Variants in MAP3K10 observed in about 807,000 individuals in gnomAD.
MAP3K10 encodes MKN28 derived nonreceptor_type serine/threonine kinase.
MAP3K10 carries 22 observed loss-of-function variants against 75.0 expected under a neutral mutation model. The observed-to-expected ratio is 0.29, with a 90% CI of 0.21 to 0.42. The LOEUF is 0.42. MAP3K10 is among the 10% of genes least tolerant of loss of function. The probability of loss-of-function intolerance (pLI) is 1.00; values close to 1 mark genes in which losing one functional copy is unlikely to be tolerated. For missense variants in MAP3K10, 1,165 were observed against 1,379.8 expected, an observed-to-expected ratio of 0.84 and a Z score of 2.47; for synonymous variants, 599 against 612.9, an observed-to-expected ratio of 0.98 and a Z score of 0.34.
In MAP3K10 at chr19:40,215,526, A is replaced by C; in HGVS notation, c.*234A>C. 2.0e-6 allele frequency: 1 copy of C among 495,444 alleles called. No homozygotes were observed. The highest frequency in any genetic ancestry group is 3.6e-6 in the Non-Finnish European group (1 of 275,916). 30.7% of individuals were successfully genotyped at this position (495,444 alleles called of 1,614,324 possible). On this transcript the variant is annotated 3_prime_UTR_variant, in exon 10 of 10. Transcript: ENST00000253055. ...CAGGGATACTCAGGGACAGGGCATC[A>C]TGGGGGATTTGGCACAAAATGGAGC...
rs939621483 is a variant in MAP3K10, at chr19:40,200,020, C to T, written c.863+1465C>T. ...CTAAAAATACAAAAATTCGGCCAGGCGCGGTGGCTCACGCCTGTAATCCTG... is the reference window on the plus strand; with the variant it reads ...CTAAAAATACAAAAATTCGGCCAGGTGCGGTGGCTCACGCCTGTAATCCTG... On this transcript the variant is annotated intron_variant, in intron 2 of 9. Coordinates refer to ENST00000253055, the MANE Select transcript of MAP3K10 (RefSeq NM_002446.4). Among the ~76,000 whole-genome samples the T allele has an allele frequency of 3.7e-4, 54 of 147,140 alleles. 2 individuals carry two copies. The highest frequency in any genetic ancestry group is 2.0e-4 in the African/African-American group (8 of 39,600).
chr19:40,214,041 T>A lies in MAP3K10; in HGVS notation c.2362T>A (p.Ser788Thr), dbSNP rs760819313. ...CCCGCCCGCGCCCACACCCACGCCC[T>A]CGCCCAGCACCAACCCCCTGGTGGA... ...PSPPAPTPTP[S>T]PSTNPLVDLE... Residue 788 changes from serine to threonine, a missense_variant, in exon 9 of 10, where the codon TCG (serine) becomes ACG (threonine). Around this residue, in one of 2 missense-constraint regions of MAP3K10, gnomAD observed 590 missense variants for 586.6 expected, o/e 1.01. Coordinates refer to ENST00000253055, the MANE Select transcript of MAP3K10 (RefSeq NM_002446.4). 9.7e-6 allele frequency: 10 copies of A among 1,031,124 alleles called. No homozygotes were observed. In the Admixed American group the frequency reaches 3.4e-4, roughly 35 times the overall value. The allele number at this position is 1,031,124 out of a possible 1,614,324, so 63.9% of individuals were successfully genotyped here.
intron 1 of MAP3K10, among the ~76,000 whole-genome samples, chr19:40,197,622 G>A (rs1287901363): frequency 3.9e-5 from 6 of 152,080 alleles, no homozygotes; most frequent in Non-Finnish European, 7.4e-5. Flanking sequence ...CACCGTGCCT[G>A]GCCATACTCT....
In MAP3K10 at chr19:40,215,091, G is replaced by A. The variant is rs1385384011; in HGVS notation, c.2664G>A (p.Arg888=). ...CCCTGACCTTTGCCCCGAGACCTCG[G>A]CCGGCTGCCAGTCGCCCCCGCTTGG... ...PTTLTFAPRP[R]PAASRPRLDP... The change falls in exon 10 of 10, where the codon CGG becomes CGA. Residue 888 remains arginine, a synonymous_variant. Coordinates refer to ENST00000253055, the MANE Select transcript of MAP3K10 (RefSeq NM_002446.4). The A allele has an allele frequency of 1.1e-5, 18 of 1,610,514 alleles. No individual in the cohort carries two copies. Among genetic ancestry groups the A allele is most frequent in the Non-Finnish European group, 1.4e-5 (17 of 1,178,884 alleles).
Position 40,212,926 on chromosome 19 carries a change from G to A in MAP3K10, c.1674G>A (p.Thr558=), listed in dbSNP as rs375485459. 1.4e-5 allele frequency: 22 copies of A among 1,612,732 alleles called. No individual in the cohort carries two copies. Among genetic ancestry groups the A allele is most frequent in the African/African-American group, 1.2e-4 (9 of 75,042 alleles). The stretch of plus-strand genomic sequence containing the variant: ...TCGGGGGCAAGAAGAAGGGACGAAC[G>A]TGGGGGCCCAGCTCCACCCTGCAGA... ...ELVGGKKKGR[T]WGPSSTLQKE... Residue 558 remains threonine, a synonymous_variant, in exon 7 of 10, where the codon ACG becomes ACA. Coordinates refer to ENST00000253055, the MANE Select transcript of MAP3K10 (RefSeq NM_002446.4). The surrounding 1 kb of genome is among the most constrained non-coding windows in gnomAD (Gnocchi z 4.2).
In MAP3K10 at chr19:40,213,786, C is replaced by T; in HGVS notation, c.2107C>T (p.Arg703Trp). 3.3e-6 allele frequency: 4 copies of T among 1,228,662 alleles called. No homozygotes were observed. The highest frequency in any genetic ancestry group is 4.5e-5 in the Admixed American group (1 of 22,362). 76.1% of individuals were successfully genotyped at this position (1,228,662 alleles called of 1,614,324 possible). ...GCGCGCGGCCGACGGTGAGGAGCAGCGGCGCTGGCTCGACGGCCTCTTCTT... is the reference window on the plus strand; with the variant it reads ...GCGCGCGGCCGACGGTGAGGAGCAGTGGCGCTGGCTCGACGGCCTCTTCTT... The part of the protein sequence containing the change: ...EARAADGEEQ[R>W]RWLDGLFFPR... The change falls in exon 9 of 10, where the codon CGG (arginine) becomes TGG (tryptophan). Residue 703 changes from arginine (R) to tryptophan (W), a missense_variant. By Grantham distance (101) the Arg-to-Trp change is moderately radical. Coordinates refer to ENST00000253055, the MANE Select transcript of MAP3K10 (RefSeq NM_002446.4). This position sits in a 1 kb window ranked among gnomAD's most constrained non-coding sequence, Gnocchi z 5.7.
chr19:40,195,226 T>C (rs1972883000), intron 1 of MAP3K10, among the ~76,000 whole-genome samples: 1 of 151,992 alleles, frequency 6.6e-6, no homozygotes, highest in South Asian at 2.1e-4. Context: ...TGGAAGCCAT[T>C]AGAGGATTTG....
chr19:40,197,364 C>CA, intron 1 of MAP3K10, among the ~76,000 whole-genome samples: 1 of 152,282 alleles, frequency 6.6e-6, no homozygotes, highest in South Asian at 2.1e-4. Flanking sequence ...CTCGCTCTGT[C>CA]ACCCAGGCTG....
In MAP3K10 at chr19:40,212,921, C is replaced by T. The variant is rs1026126084; in HGVS notation, c.1669C>T (p.Arg557Ter). The change falls in exon 7 of 10, where the codon CGA becomes TGA. Residue 557 changes from arginine (R) to a stop codon, truncating the protein, a stop_gained. Transcript: ENST00000253055. LOFTEE classifies it high-confidence loss of function. This position sits in a 1 kb window ranked among gnomAD's most constrained non-coding sequence, Gnocchi z 4.2. ...EELVGGKKKG[R>*]TWGPSSTLQK... is the part of the protein sequence containing the mutation. ...ACTGGTCGGGGGCAAGAAGAAGGGA[C>T]GAACGTGGGGGCCCAGCTCCACCCT... 2 of 1,612,766 alleles carry T rather than the reference C, an allele frequency of 1.2e-6. No homozygotes were observed. The highest frequency in any genetic ancestry group is 1.7e-6 in the Non-Finnish European group (2 of 1,179,524).
chr19:40,207,898 AT>A (rs71171549), intron 5 of MAP3K10, among the ~76,000 whole-genome samples: 45 of 149,642 alleles, frequency 3.0e-4, no homozygotes, highest in South Asian at 8.5e-4. Context: ...TTCATTAAAA[AT>A]TTTTTTTTTT....
chr19:40,201,211 C>T (rs1163996260), intron 2 of MAP3K10, among the ~76,000 whole-genome samples: 4 of 144,452 alleles, frequency 2.8e-5, no homozygotes, highest in South Asian at 4.4e-4. Context: ...CTTGCTCTGT[C>T]GCCCAGGCCG....
In MAP3K10 at chr19:40,198,433, G is replaced by A. The variant is rs765454304; in HGVS notation, c.741G>A (p.Thr247=). ...HNLADTVLKI[T]DFGLAREWHK... is the part of the protein sequence containing the mutation. ...TCGCAGACACGGTGCTCAAGATCACGGACTTCGGCCTCGCCCGCGAGTGGC... is the reference window on the plus strand; with the variant it reads ...TCGCAGACACGGTGCTCAAGATCACAGACTTCGGCCTCGCCCGCGAGTGGC... Residue 247 remains threonine, a synonymous_variant, in exon 2 of 10, where the codon ACG becomes ACA. Transcript: ENST00000253055. This position sits in a 1 kb window ranked among gnomAD's most constrained non-coding sequence, Gnocchi z 4.3. 28 of 1,614,170 alleles carry A rather than the reference G, an allele frequency of 1.7e-5. No homozygotes were observed. The highest frequency in any genetic ancestry group is 1.6e-4 in the Middle Eastern group (1 of 6,062).
At chr19:40,193,335 G>A (rs1405009151) in intron 1 of MAP3K10, among the ~76,000 whole-genome samples, 1 of 152,216 alleles carries the variant, frequency 6.6e-6, no homozygotes, top group South Asian at 2.1e-4. Flanking sequence ...GGCCGAGCTG[G>A]CCAAGGCAAA....
Position 40,205,352 on chromosome 19 carries a change from C to CT in MAP3K10, c.1188+58dup. 1 of 1,579,594 alleles carries CT rather than the reference C, an allele frequency of 6.3e-7. No homozygotes were observed. The highest frequency in any genetic ancestry group is 8.7e-7 in the Non-Finnish European group (1 of 1,153,578). On this transcript the variant is annotated intron_variant, in intron 4 of 9. Coordinates refer to ENST00000253055, the MANE Select transcript of MAP3K10 (RefSeq NM_002446.4). The surrounding 1 kb of genome is among the most constrained non-coding windows in gnomAD (Gnocchi z 4.3). ...GAGCAAGACCCCTGAGTTCTGATGC[C>CT]TTGGGCTGCTCAGAGACTCCTCCCC... is the stretch of plus-strand genomic sequence containing the variant.
chr19:40,202,940 T>G (rs568231820), intron 2 of MAP3K10, among the ~76,000 whole-genome samples: 87 of 152,352 alleles, frequency 5.7e-4, no homozygotes, highest in Non-Finnish European at 1.1e-3. Flanking sequence ...TCACCAGCAC[T>G]GTCACTGAAG....
At position 40,212,681 on chromosome 19, in the gene MAP3K10, T is replaced by G; in HGVS notation, c.1553-124T>G. 21 of 1,214,524 alleles carry G rather than the reference T, an allele frequency of 1.7e-5. No homozygotes were observed. The highest frequency in any genetic ancestry group is 2.4e-5 in the Non-Finnish European group (21 of 870,898). The allele number at this position is 1,214,524 out of a possible 1,614,324, so 75.2% of individuals were successfully genotyped here. On this transcript the variant is annotated intron_variant, in intron 6 of 9. Transcript: ENST00000253055. This position sits in a 1 kb window ranked among gnomAD's most constrained non-coding sequence, Gnocchi z 4.2. ...GATATATAGCAGGGAGGGTCATGAC[T>G]GGAGTTCAAAAGAGCCCTTGGACTC...
At chr19:40,195,305 C>G (rs1026885276) in intron 1 of MAP3K10, among the ~76,000 whole-genome samples, 1 of 151,866 alleles carries the variant, frequency 6.6e-6, no homozygotes, top group Non-Finnish European at 1.5e-5. Context: ...CTGGGAAATA[C>G]AGAAATAAAG....
intron 5 of MAP3K10, 23 bp downstream of exon 5, chr19:40,206,180 C>A: frequency 1.0e-5 from 16 of 1,572,070 alleles, no homozygotes; most frequent in Non-Finnish European, 1.4e-5. Context: ...GTCCCCAGAG[C>A]GCCCCCCAAG....
intron 9 of MAP3K10, among the ~76,000 whole-genome samples, chr19:40,214,580 T>G (rs1054232887): frequency 3.3e-5 from 5 of 152,138 alleles, no homozygotes; most frequent in Non-Finnish European, 5.9e-5. Context: ...CTGTGCTGCT[T>G]GTTTTAAGTT....
Sources: gnomAD v4.1 joint callset for allele counts (sites outside exome capture counted in the v4.1 genomes callset) on GRCh38, gnomAD v4.1.1 for gene constraint, gnomAD v4.1.1 regional missense constraint, Gnocchi (gnomAD v3.1) non-coding constraint, MANE v1.5 for transcripts, NCBI Gene and HGNC (gene_info 2026-07-23, HGNC 2026-07-21) for gene names.